The following TLK2 variants were observed in gnomAD, a reference collection of about 807,000 sequenced individuals.
TLK2 encodes the protein serine/threonine-protein kinase tousled-like 2.
A neutral mutation model predicts 117.3 loss-of-function variants in TLK2; 6 were observed. The observed-to-expected ratio is 0.05, with a 90% CI of 0.03 to 0.10. The LOEUF is 0.10. TLK2 is among the 10% of genes least tolerant of loss of function. The pLI, the probability that TLK2 is intolerant of heterozygous loss-of-function variation, is 1.00. For missense variants in TLK2, 299 were observed against 901.2 expected, an observed-to-expected ratio of 0.33 and a Z score of 8.56; for synonymous variants, 257 against 316.7, an observed-to-expected ratio of 0.81 and a Z score of 2.00.
chr17:62,506,946 A>C (rs191400453), intron 2 of TLK2, among the ~76,000 whole-genome samples: 1 of 152,314 alleles, frequency 6.6e-6, no homozygotes, highest in East Asian at 1.9e-4. Context: ...GAATGTTTGC[A>C]TACTTTTATA....
chr17:62,529,006 A>G (rs1296604888), intron 6 of TLK2, among the ~76,000 whole-genome samples: 2 of 152,158 alleles, frequency 1.3e-5, no homozygotes, highest in African/African-American at 2.4e-5. Context: ...TAAACTATCC[A>G]TGTCTGAATC....
chr17:62,558,212 C>T (rs1304209326), intron 9 of TLK2, among the ~76,000 whole-genome samples: 1 of 151,798 alleles, frequency 6.6e-6, no homozygotes, highest in African/African-American at 2.4e-5. Context: ...CTCTGTCTCC[C>T]AGGCTGGAGT....
At chr17:62,578,633 G>C in intron 14 of TLK2, 59 bp downstream of exon 14, 2 of 1,259,818 alleles carry the variant, frequency 1.6e-6, no homozygotes, top group South Asian at 2.4e-5. Flanking sequence ...GATATGAATT[G>C]AATGGTCTAG....
chr17:62,555,029 C>T (rs965847509), intron 9 of TLK2, among the ~76,000 whole-genome samples: 4 of 151,488 alleles, frequency 2.6e-5, no homozygotes, highest in African/African-American at 9.7e-5. Context: ...TATACACACA[C>T]ACACACACAA....
At chr17:62,520,940 A>T (rs1199442245) in intron 3 of TLK2, 96 bp downstream of exon 3, 1 of 1,381,060 alleles carries the variant, frequency 7.2e-7, no homozygotes, top group Non-Finnish European at 1.0e-6. Flanking sequence ...TGGGAGGCTG[A>T]GGCGGGCAGA....
chr17:62,586,542 C>T (rs910681600), intron 16 of TLK2, among the ~76,000 whole-genome samples: 1 of 152,120 alleles, frequency 6.6e-6, no homozygotes, highest in South Asian at 2.1e-4. Context: ...TTTTTGCTGG[C>T]CGGGCACGGT....
intron 17 of TLK2, among the ~76,000 whole-genome samples, chr17:62,596,939 C>T (rs190497919): frequency 7.2e-5 from 11 of 152,240 alleles, no homozygotes; most frequent in Middle Eastern, 3.4e-3. Flanking sequence ...TGCCAGTTTC[C>T]GTGGTGTAGA....
At chr17:62,598,041 T>TAA (rs1163274227) in intron 17 of TLK2, among the ~76,000 whole-genome samples, 1 of 152,252 alleles carries the variant, frequency 6.6e-6, no homozygotes, top group African/African-American at 2.4e-5. Flanking sequence ...AAGAGGACTA[T>TAA]AATTCCCTTT....
upstream of TLK2, chr17:62,477,889 C>T (rs1414440434): frequency 6.6e-6 from 1 of 152,266 alleles, no homozygotes; most frequent in Non-Finnish European, 1.5e-5. Flanking sequence ...TGGCACTTAC[C>T]CTCAGACCCT....
intron 1 of TLK2, among the ~76,000 whole-genome samples, chr17:62,479,544 C>G (rs2071359913): frequency 6.6e-6 from 1 of 152,094 alleles, no homozygotes. Flanking sequence ...ACGGGGGCCC[C>G]CAGGCAGCTG....
At chr17:62,508,102 CTAGT>C (rs1240285446) in intron 2 of TLK2, among the ~76,000 whole-genome samples, 3 of 149,330 alleles carry the variant, frequency 2.0e-5, no homozygotes, top group Admixed American at 1.3e-4. Flanking sequence ...ACAAATCAGA[CTAGT>C]TAAATTTGTT....
At chr17:62,471,652 A>ACT (rs2070941408) in intron 1 of TLK2, among the ~76,000 whole-genome samples, 1 of 68,682 alleles carries the variant, frequency 1.5e-5, no homozygotes, top group Non-Finnish European at 3.5e-5. Context: ...GAGTATCAGA[A>ACT]AGAGTTCTAA....
At chr17:62,598,873 T>C (rs116935266) in intron 17 of TLK2, among the ~76,000 whole-genome samples, 6,651 of 152,312 alleles carry the variant, frequency 0.044, 281 homozygotes, top group South Asian at 0.21. Context: ...AATCATTCCA[T>C]TGAGCATGAG....
At chr17:62,541,092 TC>T (rs1404336631) in intron 7 of TLK2, among the ~76,000 whole-genome samples, 1 of 152,106 alleles carries the variant, frequency 6.6e-6, no homozygotes, top group Non-Finnish European at 1.5e-5. Context: ...CTCTCTCAGT[TC>T]CCTCTGGTTT....
chr17:62,566,630 T>C (rs1011893978), intron 11 of TLK2, among the ~76,000 whole-genome samples: 8 of 152,178 alleles, frequency 5.3e-5, no homozygotes, highest in African/African-American at 1.9e-4. Context: ...ATAGCAGAGG[T>C]ATCAGGGCAG....
chr17:62,476,135 A>C (rs1181533457), upstream of TLK2, among the ~76,000 whole-genome samples: 1 of 151,788 alleles, frequency 6.6e-6, no homozygotes, highest in Non-Finnish European at 1.5e-5. Context: ...ACGTACCACT[A>C]TGCCGAGCTA....
chr17:62,511,455 C>T (rs1343268352), intron 2 of TLK2, among the ~76,000 whole-genome samples: 1 of 152,206 alleles, frequency 6.6e-6, no homozygotes, highest in African/African-American at 2.4e-5. Flanking sequence ...ACTGCAGCCT[C>T]TGCCTCCTGG....
At chr17:62,474,559 GC>G (rs974490243), upstream of TLK2, among the ~76,000 whole-genome samples, 5 of 151,634 alleles carry the variant, frequency 3.3e-5, no homozygotes, top group African/African-American at 1.2e-4. Context: ...ACAGGTGCCA[GC>G]CACCACACCC....
intron 16 of TLK2, among the ~76,000 whole-genome samples, chr17:62,589,833 G>A (rs1418886416): frequency 5.3e-5 from 8 of 151,928 alleles, no homozygotes; most frequent in Non-Finnish European, 1.2e-4. Flanking sequence ...TTGAGACAGA[G>A]TCTCACTCTG....
Sources: allele counts gnomAD v4.1 joint callset (sites outside exome capture counted in the v4.1 genomes callset), GRCh38; gene constraint gnomAD v4.1.1; transcripts MANE v1.5; gene names NCBI Gene and HGNC (gene_info 2026-07-23, HGNC 2026-07-21).